TASOR2: variants seen among roughly 807,000 people sequenced by gnomAD.
The protein encoded by TASOR2 is transcription activation suppressor family member 2.
In TASOR2, 84 loss-of-function variants were observed where a neutral mutation model predicts 199.5. That is an observed-to-expected ratio of 0.42 (90% confidence interval 0.35 to 0.50). The LOEUF (loss-of-function observed/expected upper bound fraction) is 0.50, where lower values mean the gene tolerates loss of function less well. Ranked by LOEUF, TASOR2 falls within the 20% of genes least tolerant of loss-of-function variation. The pLI is 0.02. For missense variants in TASOR2, 2,796 were observed against 2,835.9 expected (o/e 0.99, Z 0.32); for synonymous variants, 1,103 against 1,046.6 (o/e 1.05, Z -1.04).
At position 5,734,295 on chromosome 10, in the gene TASOR2, G is replaced by A. The variant is rs187405528; in HGVS notation, c.1205-1009G>A. ...ATTTTTATGCCATGTGAGAAGCAAA[G>A]CAGAGCGCTTCTAAGAGACACCATT... On this transcript the variant is annotated intron_variant, in intron 11 of 20. Transcript: ENST00000328090. Among the ~76,000 whole-genome samples the A allele has an allele frequency of 5.4e-3, 819 of 152,236 alleles. 6 individuals are homozygous for A. Among genetic ancestry groups the A allele is most frequent in the African/African-American group, 0.019 (783 of 41,562 alleles).
At chr10:5,712,874 C>T in exon 2 of TASOR2, 1 of 1,231,328 alleles carries the variant, frequency 8.1e-7, no homozygotes, top group East Asian at 3.2e-5. Context: ...TCAGGAAGAA[C>T]TTCAAGACAC....
At position 5,755,055 on chromosome 10, in the gene TASOR2, A is replaced by G. The variant is rs1048756449; in HGVS notation, c.6607-1558A>G. On this transcript the variant is annotated intron_variant, in intron 15 of 20. Coordinates refer to ENST00000328090, the Ensembl canonical transcript of TASOR2. ...AGCAAGACTCTTGTCTCAAAAAAAA[A>G]AAAAAAAAAAAAAGAGAAATCTGAG... 9.3e-5 allele frequency among the ~76,000 whole-genome samples: 14 copies of G among 150,088 alleles called. 2 individuals carry two copies. Among genetic ancestry groups the G allele is most frequent in the African/African-American group, 2.0e-4 (8 of 40,314 alleles).
chr10:5,713,037 G>C, intron 2 of TASOR2, 119 bp downstream of exon 2: 1 of 475,300 alleles, frequency 2.1e-6, no homozygotes, highest in Non-Finnish European at 3.4e-6. Flanking sequence ...GCTTAGTTTG[G>C]TGGCATGTAA....
rs769745670 is a variant in TASOR2, at chr10:5,757,704, T to C, written c.6886+31T>C. 3 of 1,609,066 alleles carry C rather than the reference T, an allele frequency of 1.9e-6. No individual in the cohort carries two copies. The Admixed American group carries it at 5.1e-5, about 27-fold the overall frequency. ...TCTTTATTTTCTTTTCCTGTTTCTT[T>C]GAAGTCAGATCAACTTCTCACCCAG... On this transcript the variant is annotated intron_variant, in intron 17 of 20. Coordinates refer to ENST00000328090, the Ensembl canonical transcript of TASOR2.
chr10:5,748,796 T>C lies in TASOR2; in HGVS notation c.5375T>C (p.Val1792Ala), dbSNP rs373698543. ...GTTTGTGGAATAGCCACAGAGCACG[T>C]AGAAATTGAGAACAGTGGGGAGGGG... The change falls in exon 15 of 21, where the codon GTA becomes GCA. Residue 1792 changes from valine to alanine, a missense_variant. By Grantham distance (64) the Val-to-Ala change is moderately conservative (BLOSUM62 0). Around this residue, in one of 3 missense-constraint regions of TASOR2, gnomAD observed 1,941 missense variants for 1,924.9 expected, o/e 1.01. Coordinates refer to ENST00000328090, the Ensembl canonical transcript of TASOR2. This position sits in a 1 kb window ranked among gnomAD's most constrained non-coding sequence, Gnocchi z 5.1. The C allele has an allele frequency of 1.1e-5, 17 of 1,613,974 alleles. No individual in the cohort carries two copies. Among genetic ancestry groups the C allele is most frequent in the East Asian group, 2.2e-5 (1 of 44,882 alleles).
Position 5,754,469 on chromosome 10 carries a change from A to C in TASOR2, c.6607-2144A>C, listed in dbSNP as rs916609336. On this transcript the variant is annotated intron_variant, in intron 15 of 20. Coordinates refer to ENST00000328090, the Ensembl canonical transcript of TASOR2. The surrounding 1 kb of genome is among the most constrained non-coding windows in gnomAD (Gnocchi z 4.3). ...CAGTGGCGCGATCTCAGCTCACTGC[A>C]GCCTCCGTCTTCTGGTTTCAAGTGA... Among the ~76,000 whole-genome samples, 4 of 151,782 alleles carry C rather than the reference A, an allele frequency of 2.6e-5. No individual in the cohort carries two copies. The highest frequency in any genetic ancestry group is 4.4e-5 in the Non-Finnish European group (3 of 67,968).
exon 17 of TASOR2, chr10:5,757,553 A>C (rs1274607146): frequency 1.2e-6 from 2 of 1,610,844 alleles, no homozygotes; most frequent in South Asian, 1.1e-5. Flanking sequence ...GCATTTCCCC[A>C]GTGTCATCTT....
intron 2 of TASOR2, 45 bp from the exon 4 acceptor site, chr10:5,717,614 C>A: frequency 2.4e-6 from 2 of 825,652 alleles, no homozygotes; most frequent in Non-Finnish European, 3.2e-6. Flanking sequence ...TTTCTCCTGT[C>A]TGATGGGCAA....
At chr10:5,713,054 G>C in intron 2 of TASOR2, 136 bp downstream of exon 2, 1 of 421,554 alleles carries the variant, frequency 2.4e-6, no homozygotes, top group Non-Finnish European at 4.0e-6. Context: ...GTAAATGACA[G>C]CAACAAAAAA....
chr10:5,700,714 C>T (rs953796371), intron 1 of TASOR2, among the ~76,000 whole-genome samples: 6 of 151,948 alleles, frequency 3.9e-5, no homozygotes, highest in African/African-American at 1.5e-4. Context: ...CACCTCTTGG[C>T]CATTTTTATG....
chr10:5,725,199 A>G (rs1326347199), intron 8 of TASOR2, among the ~76,000 whole-genome samples: 1 of 151,980 alleles, frequency 6.6e-6, no homozygotes, highest in East Asian at 1.9e-4. Flanking sequence ...GGAGATCGAG[A>G]CCATCCTGAC....
chr10:5,709,747 C>A, intron 1 of TASOR2: 5 of 1,124,458 alleles, frequency 4.4e-6, no homozygotes, highest in South Asian at 4.6e-5. Flanking sequence ...TAATTTAGAT[C>A]ATGTAAAACA....
Position 5,701,012 on chromosome 10 carries a change from C to G in TASOR2, c.-287-11811C>G, listed in dbSNP as rs1837769588. On this transcript the variant is annotated intron_variant, in intron 1 of 20. Transcript: ENST00000328090. This position sits in a 1 kb window ranked among gnomAD's most constrained non-coding sequence, Gnocchi z 4.9. ...ATGTAATCCCATTTGTCTATTTTTG[C>G]TTTGGTTGCCTGTGCCTTTGAGGCC... Among the ~76,000 whole-genome samples, 1 of 150,568 alleles carries G rather than the reference C, an allele frequency of 6.6e-6. No individual in the cohort carries two copies. Among genetic ancestry groups the G allele is most frequent in the Non-Finnish European group, 1.5e-5 (1 of 67,634 alleles).
intron 12 of TASOR2, 141 bp from the exon 14 acceptor site, chr10:5,739,477 A>G: frequency 4.0e-6 from 3 of 754,144 alleles, no homozygotes; most frequent in African/African-American, 3.5e-5. Context: ...AGAGACCTTA[A>G]TCTAATAGAA....
At chr10:5,762,511 G>GTTTTTTT in intron 19 of TASOR2, 21 bp from the exon 21 acceptor site, 1 of 587,386 alleles carries the variant, frequency 1.7e-6, no homozygotes, top group African/African-American at 2.2e-5. Context: ...ACCAAAAGTT[G>GTTTTTTT]TTTTTTTTTT....
intron 1 of TASOR2, among the ~76,000 whole-genome samples, chr10:5,693,345 A>G (rs1317327560): frequency 1.3e-5 from 2 of 152,208 alleles, no homozygotes; most frequent in South Asian, 2.1e-4. Context: ...TTGCGCTTCA[A>G]GTATTTGCAG....
chr10:5,740,065 C>G lies in TASOR2; in HGVS notation c.1895C>G (p.Ser632Ter). ...AGTCAGGCCCCTGCTAAAGCCCAGT[C>G]AGCACTTACTGAGGAAATGCTAGAA... The change falls in exon 13 of 21, where the codon TCA becomes TGA. Residue 632 changes from serine (S) to a stop codon, truncating the protein, a stop_gained. Transcript: ENST00000328090. LOFTEE classifies it high-confidence loss of function. This position sits in a 1 kb window ranked among gnomAD's most constrained non-coding sequence, Gnocchi z 5.3. 6.2e-7 allele frequency: 1 copy of G among 1,614,024 alleles called. No individual in the cohort carries two copies. The highest frequency in any genetic ancestry group is 8.5e-7 in the Non-Finnish European group (1 of 1,180,024).
intron 18 of TASOR2, among the ~76,000 whole-genome samples, chr10:5,760,140 C>A (rs1213711003): frequency 2.0e-5 from 3 of 152,174 alleles, no homozygotes; most frequent in Admixed American, 1.3e-4. Flanking sequence ...AGAGCCTACT[C>A]CTAGATTGCA....
chr10:5,726,944 A>G, exon 9 of TASOR2: 2 of 1,614,060 alleles, frequency 1.2e-6, no homozygotes, highest in Non-Finnish European at 1.7e-6. Context: ...CATCAGCCTT[A>G]CTATCAGAAC....
Sources: gnomAD v4.1 joint callset for allele counts (sites outside exome capture counted in the v4.1 genomes callset) on GRCh38, gnomAD v4.1.1 for gene constraint, gnomAD v4.1.1 regional missense constraint, Gnocchi (gnomAD v3.1) non-coding constraint, MANE v1.5 for transcripts, NCBI Gene and HGNC (gene_info 2026-07-23, HGNC 2026-07-21) for gene names.